Variants in TGM5 observed in about 807,000 individuals in gnomAD.
TGM5 encodes transglutaminase 5.
A neutral mutation model predicts 77.2 loss-of-function variants in TGM5; 69 were observed. The observed-to-expected ratio is 0.89, with a 90% confidence interval of 0.74 to 1.09. TGM5 has a LOEUF of 1.09. TGM5 is among the 50% of genes least tolerant of loss of function. The pLI is 0.00. For missense variants in TGM5, 842 were observed against 896.5 expected (o/e 0.94, Z 0.78); for synonymous variants, 346 against 351.8 (o/e 0.98, Z 0.18).
rs765393561 is a variant in TGM5 at position 43,256,667 on chromosome 15, G to C, written c.456C>G (p.Asp152Glu). The C allele has an allele frequency of 6.2e-7, 1 of 1,613,810 alleles. No homozygotes were observed. Among genetic ancestry groups the C allele is most frequent in the South Asian group, 1.1e-5 (1 of 91,064 alleles). ...CATACTCCTGCCTCTGGGGTTCACT[G>C]TCCAAGTAGACAGCATCCTCTAGGA... Reference protein sequence around the residue: ...PWCPEDAVYLDSEPQRQEYVM... With the variant: ...PWCPEDAVYLESEPQRQEYVM... Residue 152 changes from aspartate to glutamate, a missense_variant, in exon 4 of 13, where the codon GAC (aspartate) becomes GAG (glutamate). By Grantham distance (45) the Asp-to-Glu change is conservative (BLOSUM62 2). Around this residue, in one of 2 missense-constraint regions of TGM5, gnomAD observed 815 missense variants for 844.6 expected, o/e 0.96. Coordinates refer to ENST00000220420, the MANE Select transcript of TGM5 (RefSeq NM_201631.4).
chr15:43,263,760 CT>C (rs1341897815), intron 1 of TGM5, among the ~76,000 whole-genome samples: 7 of 152,320 alleles, frequency 4.6e-5, no homozygotes, highest in South Asian at 2.1e-4. Flanking sequence ...TAGGCAACAG[CT>C]TCTCAGATAT....
chr15:43,254,897 T>C (rs1046650609), intron 4 of TGM5, among the ~76,000 whole-genome samples: 11 of 152,150 alleles, frequency 7.2e-5, no homozygotes, highest in Non-Finnish European at 1.5e-4. Flanking sequence ...CTTTACATAT[T>C]CATGATAAGT....
chr15:43,261,747 T>C (rs1299599243), intron 1 of TGM5, among the ~76,000 whole-genome samples: 1 of 152,174 alleles, frequency 6.6e-6, no homozygotes, highest in Non-Finnish European at 1.5e-5. Flanking sequence ...TATCCATCCT[T>C]TTCCACATTC....
At chr15:43,240,722 G>A in intron 7 of TGM5, 130 bp downstream of exon 7, 1 of 1,156,524 alleles carries the variant, frequency 8.6e-7, no homozygotes, top group East Asian at 2.5e-5. Flanking sequence ...GTGGGTGGGG[G>A]AGGGTGAGGG....
At chr15:43,240,801 G>C (rs16957502) in intron 7 of TGM5, 51 bp downstream of exon 7, 2 of 1,611,722 alleles carry the variant, frequency 1.2e-6, no homozygotes, top group Non-Finnish European at 1.7e-6. Context: ...CTGCCATGGG[G>C]CTTGGCTCTG....
chr15:43,263,382 C>T (rs2042803064), intron 1 of TGM5, among the ~76,000 whole-genome samples: 1 of 152,134 alleles, frequency 6.6e-6, no homozygotes, highest in Non-Finnish European at 1.5e-5. Context: ...CCATACTAGC[C>T]AAACAGTATT....
At chr15:43,245,410 T>C (rs1465325334) in intron 6 of TGM5, among the ~76,000 whole-genome samples, 1 of 152,190 alleles carries the variant, frequency 6.6e-6, no homozygotes, top group Non-Finnish European at 1.5e-5. Context: ...AATCGTCCCT[T>C]ATAACCAAGA....
At chr15:43,245,660 G>A (rs544796828) in intron 6 of TGM5, among the ~76,000 whole-genome samples, 24 of 152,180 alleles carry the variant, frequency 1.6e-4, no homozygotes, top group Admixed American at 3.3e-4. Flanking sequence ...CTGAACCCTC[G>A]TCATCGAAGT....
Position 43,239,161 on chromosome 15 carries a change from A to T in TGM5, c.1105+2T>A. The stretch of plus-strand genomic sequence containing the variant: ...GCCTGCCTTTCTTCTGGAGAGCCTC[A>T]CCGTTGCTCATCTCCTGAGGTGTGG... On this transcript the variant is annotated splice_donor_variant, in intron 8 of 12. Coordinates refer to ENST00000220420, the MANE Select transcript of TGM5 (RefSeq NM_201631.4). LOFTEE classifies it high-confidence loss of function. 3 of 1,614,008 alleles carry T rather than the reference A, an allele frequency of 1.9e-6. No individual in the cohort carries two copies. Among genetic ancestry groups the T allele is most frequent in the Non-Finnish European group, 2.5e-6 (3 of 1,180,000 alleles).
chr15:43,238,763 G>C (rs1039363730), intron 9 of TGM5, 54 bp downstream of exon 9: 15 of 1,604,516 alleles, frequency 9.3e-6, no homozygotes, highest in Middle Eastern at 1.7e-4. Context: ...CCCTGGGGTA[G>C]GGGAAGGTTC....
At chr15:43,256,147 G>A (rs1410168386) in intron 4 of TGM5, among the ~76,000 whole-genome samples, 1 of 152,214 alleles carries the variant, frequency 6.6e-6, no homozygotes, top group Non-Finnish European at 1.5e-5. Flanking sequence ...GTTGTCCTTG[G>A]TGTGACAGAA....
intron 6 of TGM5, among the ~76,000 whole-genome samples, chr15:43,249,190 C>T (rs1206211959): frequency 2.0e-5 from 3 of 152,228 alleles, no homozygotes; most frequent in Non-Finnish European, 1.5e-5. Flanking sequence ...CCCTACCCCA[C>T]TTCCAACCCC....
chr15:43,253,539 G>A lies in TGM5; in HGVS notation c.651C>T (p.Ser217=). 6.2e-7 allele frequency: 1 copy of A among 1,613,434 alleles called. No homozygotes were observed. Among genetic ancestry groups the A allele is most frequent in the East Asian group, 2.2e-5 (1 of 44,882 alleles). ...DPATDCALRG[S]PVYVSRVVCA... Reference sequence around the variant, plus strand: ...ACACCACTCTGCTGACGTAGACGGGGCTTCCCCGCAGAGCACAGTCTGTGG... The same window carrying A: ...ACACCACTCTGCTGACGTAGACGGGACTTCCCCGCAGAGCACAGTCTGTGG... Residue 217 remains serine, a synonymous_variant, in exon 5 of 13, where the codon AGC becomes AGT. Coordinates refer to ENST00000220420, the MANE Select transcript of TGM5 (RefSeq NM_201631.4).
intron 9 of TGM5, 145 bp from the exon 10 acceptor site, chr15:43,235,982 G>A: frequency 8.9e-7 from 1 of 1,129,852 alleles, no homozygotes; most frequent in Non-Finnish European, 1.3e-6. Context: ...CTCCTCATGT[G>A]CTTTCCCAGG....
chr15:43,263,295 T>G (rs954487748), intron 1 of TGM5, among the ~76,000 whole-genome samples: 2 of 152,138 alleles, frequency 1.3e-5, no homozygotes, highest in Admixed American at 6.5e-5. Flanking sequence ...TTCAACACAA[T>G]CCCTAACAAA....
intron 4 of TGM5, among the ~76,000 whole-genome samples, chr15:43,254,733 A>G (rs114055528): frequency 0.031 from 4,703 of 152,004 alleles, 243 homozygotes; most frequent in African/African-American, 0.1. Context: ...CTTTGCTCAC[A>G]CCTTCCCTCT....
intron 6 of TGM5, chr15:43,241,213 C>A (rs1422196740): frequency 1.6e-6 from 1 of 609,600 alleles, no homozygotes; most frequent in Non-Finnish European, 2.9e-6. Flanking sequence ...ACTGCTCAGA[C>A]AAGCACTGCC....
intron 6 of TGM5, among the ~76,000 whole-genome samples, chr15:43,249,432 C>T (rs945494017): frequency 6.6e-6 from 1 of 152,190 alleles, no homozygotes; most frequent in African/African-American, 2.4e-5. Context: ...CCAACTATCC[C>T]CTCCTCCCAG....
rs1218575391 is a variant in TGM5 at position 43,260,589 on chromosome 15, G to T, written c.11-10C>A. 6.2e-7 allele frequency: 1 copy of T among 1,613,942 alleles called. No individual in the cohort carries two copies. The highest frequency in any genetic ancestry group is 1.7e-5 in the Admixed American group (1 of 59,998). ...AGGGCCACTTCTAGCCCTGCAATGG[G>T]GCAGCCAGGGTTAGACAAAATAGTG... On this transcript the variant is annotated splice_polypyrimidine_tract_variant and intron_variant, in intron 1 of 12. Coordinates refer to ENST00000220420, the MANE Select transcript of TGM5 (RefSeq NM_201631.4).
Sources: allele counts gnomAD v4.1 joint callset (sites outside exome capture counted in the v4.1 genomes callset), GRCh38; gene constraint gnomAD v4.1.1; regional missense constraint gnomAD v4.1.1; transcripts MANE v1.5; gene names NCBI Gene and HGNC (gene_info 2026-07-23, HGNC 2026-07-21).